The following IQCM variants were observed in gnomAD, a reference collection of about 807,000 sequenced individuals.
The protein encoded by IQCM is IQ motif containing M, also known as IQ domain-containing protein M.
In IQCM, 45 loss-of-function variants were observed where a neutral mutation model predicts 57.6. The ratio of observed to expected loss-of-function variants is 0.78; its 90% CI spans 0.62 to 1.00. IQCM has a LOEUF of 1.00. IQCM is among the 50% of genes least tolerant of loss of function. IQCM has a pLI of 0.00. For missense variants in IQCM, 468 were observed against 511.6 expected (o/e 0.91, Z 0.82); for synonymous variants, 148 against 158.9 (o/e 0.93, Z 0.51).
At chr4:149,462,914 A>G (rs1223549884) in intron 12 of IQCM, among the ~76,000 whole-genome samples, 1 of 152,212 alleles carries the variant, frequency 6.6e-6, no homozygotes, top group Admixed American at 6.5e-5. Flanking sequence ...TGAACAGCAC[A>G]CTGGGAGAAA....
intron 12 of IQCM, among the ~76,000 whole-genome samples, chr4:149,533,910 A>G (rs1034670391): frequency 1.1e-4 from 17 of 152,140 alleles, no homozygotes; most frequent in African/African-American, 3.6e-4. Context: ...ATTCTCTACA[A>G]ACTATCTTAA....
intron 7 of IQCM, among the ~76,000 whole-genome samples, chr4:149,646,224 T>G (rs2150124656): frequency 6.6e-6 from 1 of 152,324 alleles, no homozygotes; most frequent in Admixed American, 6.5e-5. Flanking sequence ...ATACTTCCCC[T>G]TAATTAAATC....
chr4:149,522,320 T>C (rs904007204), intron 12 of IQCM, among the ~76,000 whole-genome samples: 19 of 152,070 alleles, frequency 1.2e-4, no homozygotes, highest in African/African-American at 4.6e-4. Flanking sequence ...GGACCATAAG[T>C]ATGCAAAGGA....
At chr4:149,673,376 C>G (rs1256918569) in intron 7 of IQCM, among the ~76,000 whole-genome samples, 1 of 151,922 alleles carries the variant, frequency 6.6e-6, no homozygotes, top group East Asian at 1.9e-4. Context: ...TTCAGGAAAC[C>G]CATCTCACGT....
chr4:149,362,409 G>T (rs1317005522), intron 13 of IQCM, among the ~76,000 whole-genome samples: 1 of 152,110 alleles, frequency 6.6e-6, no homozygotes, highest in African/African-American at 2.4e-5. Flanking sequence ...CTATCAACTT[G>T]AATTTTATCT....
chr4:149,652,814 C>T lies in IQCM; in HGVS notation c.565+29304G>A, dbSNP rs73857705. 8.7e-3 allele frequency among the ~76,000 whole-genome samples: 1,326 copies of T among 152,068 alleles called. 11 individuals are homozygous for T. Among genetic ancestry groups the T allele is most frequent in the African/African-American group, 0.03 (1,254 of 41,520 alleles). ...AAAATAATAGAAAACATGTTAAAGACATAGTTTAATAAAAAGTTACTGAAG... is the reference window on the plus strand; with the variant it reads ...AAAATAATAGAAAACATGTTAAAGATATAGTTTAATAAAAAGTTACTGAAG... On this transcript the variant is annotated intron_variant, in intron 7 of 13. Transcript: ENST00000636793.
At chr4:149,687,688 C>G (rs1762646290) in intron 5 of IQCM, among the ~76,000 whole-genome samples, 1 of 151,788 alleles carries the variant, frequency 6.6e-6, no homozygotes, top group African/African-American at 2.4e-5. Flanking sequence ...AACATAGATG[C>G]TAACATCCTT....
intron 10 of IQCM, among the ~76,000 whole-genome samples, chr4:149,557,654 C>T (rs1231226292): frequency 3.3e-5 from 5 of 152,214 alleles, no homozygotes; most frequent in African/African-American, 1.2e-4. Context: ...TTTATTGCAA[C>T]CCCAACTTCC....
intron 12 of IQCM, among the ~76,000 whole-genome samples, chr4:149,468,135 G>A (rs113935015): frequency 6.6e-6 from 1 of 152,118 alleles, no homozygotes; most frequent in African/African-American, 2.4e-5. Flanking sequence ...AACTCACTGG[G>A]GCTTGTCAGA....
chr4:149,763,216 T>C (rs1207590134), intron 2 of IQCM, among the ~76,000 whole-genome samples: 1 of 152,018 alleles, frequency 6.6e-6, no homozygotes, highest in Non-Finnish European at 1.5e-5. Flanking sequence ...GTGTACAGTA[T>C]AGCATGATTT....
rs183214717 is a variant in IQCM at position 149,648,863 on chromosome 4, G to A, written c.566-27619C>T. 5.6e-4 allele frequency among the ~76,000 whole-genome samples: 85 copies of A among 151,636 alleles called. 3 individuals are homozygous for A. Among genetic ancestry groups the A allele is most frequent in the African/African-American group, 1.9e-3 (80 of 41,290 alleles). On this transcript the variant is annotated intron_variant, in intron 7 of 13. Coordinates refer to ENST00000636793, the MANE Select transcript of IQCM (RefSeq NM_001363507.2). ...ATATACATATGTAACAAACCTGCAC[G>A]TTGTGCACATGTACCCTAAAACTTA...
intron 13 of IQCM, among the ~76,000 whole-genome samples, chr4:149,373,337 A>G (rs2110991827): frequency 6.6e-6 from 1 of 152,204 alleles, no homozygotes; most frequent in East Asian, 1.9e-4. Flanking sequence ...TAAGTAGTGT[A>G]AGTGGGGTGT....
At chr4:149,489,725 C>T (rs1008988361) in intron 12 of IQCM, among the ~76,000 whole-genome samples, 24 of 151,746 alleles carry the variant, frequency 1.6e-4, no homozygotes, top group Admixed American at 4.6e-4. Flanking sequence ...TTTGCTGTCA[C>T]GCATTATGGG....
chr4:149,691,367 T>G, intron 5 of IQCM, among the ~76,000 whole-genome samples: 1 of 152,142 alleles, frequency 6.6e-6, no homozygotes, highest in Admixed American at 6.5e-5. Context: ...CTGTACTTAT[T>G]TATAGAGTAT....
At chr4:149,505,695 A>T (rs527390936) in intron 12 of IQCM, among the ~76,000 whole-genome samples, 2 of 152,324 alleles carry the variant, frequency 1.3e-5, no homozygotes, top group Non-Finnish European at 2.9e-5. Context: ...TTTAGAGATC[A>T]TTCTAAAATG....
At chr4:149,687,875 A>C (rs897367764) in intron 5 of IQCM, among the ~76,000 whole-genome samples, 3 of 152,062 alleles carry the variant, frequency 2.0e-5, no homozygotes, top group Non-Finnish European at 4.4e-5. Flanking sequence ...TAGATGCAGA[A>C]AAAGCATTTG....
At chr4:149,354,378 A>AAAAAAAAAAAAAAAAAAAAAAC (rs1560766384) in intron 13 of IQCM, among the ~76,000 whole-genome samples, 1 of 142,200 alleles carries the variant, frequency 7.0e-6, no homozygotes, top group East Asian at 2.1e-4. Flanking sequence ...AAAAAAAAAA[A>AAAAAAAAAAAAAAAAAAAAAAC]AAAAAAAAAA....
intron 2 of IQCM, among the ~76,000 whole-genome samples, chr4:149,750,442 C>A (rs1481417255): frequency 6.6e-6 from 1 of 152,048 alleles, no homozygotes; most frequent in East Asian, 1.9e-4. Context: ...TGGGGGATTT[C>A]AGTTAGAAAT....
At chr4:149,723,497 G>A (rs1369410130) in intron 5 of IQCM, among the ~76,000 whole-genome samples, 1 of 151,970 alleles carries the variant, frequency 6.6e-6, no homozygotes, top group East Asian at 1.9e-4. Context: ...TTATTGTAAA[G>A]GGACGCTGCA....
Sources: allele counts gnomAD v4.1 joint callset (sites outside exome capture counted in the v4.1 genomes callset), GRCh38; gene constraint gnomAD v4.1.1; transcripts MANE v1.5; gene names NCBI Gene and HGNC (gene_info 2026-07-23, HGNC 2026-07-21).